Variants in EPHA3 observed in about 807,000 individuals in gnomAD.
The protein encoded by EPHA3 is EPH receptor A3.
In EPHA3, 42 loss-of-function variants were observed where a neutral mutation model predicts 107.1. The ratio of observed to expected loss-of-function variants is 0.39; its 90% confidence interval spans 0.31 to 0.51. The LOEUF is 0.51. Among genes scored for constraint, EPHA3 ranks in the 20% least tolerant of loss-of-function variants. EPHA3 has a pLI of 0.78. For missense variants in EPHA3, 1,183 were observed against 1,211.2 expected (o/e 0.98, Z 0.35); for synonymous variants, 461 against 424.8 (o/e 1.09, Z -1.05).
intron 2 of EPHA3, among the ~76,000 whole-genome samples, chr3:89,148,096 G>C (rs1037391427): frequency 2.0e-5 from 3 of 151,930 alleles, no homozygotes; most frequent in Admixed American, 6.6e-5. Context: ...GCATGAACTT[G>C]TGTGTTGATT....
chr3:89,242,312 T>TA (rs1704916205), intron 3 of EPHA3, among the ~76,000 whole-genome samples: 1 of 152,228 alleles, frequency 6.6e-6, no homozygotes, highest in South Asian at 2.1e-4. Flanking sequence ...AGATACACAT[T>TA]GATAAGAATG....
At chr3:89,311,597 C>G (rs945447636) in intron 3 of EPHA3, among the ~76,000 whole-genome samples, 9 of 151,994 alleles carry the variant, frequency 5.9e-5, no homozygotes, top group African/African-American at 1.9e-4. Context: ...AACATTCTCT[C>G]CAGTGCTAGC....
intron 3 of EPHA3, among the ~76,000 whole-genome samples, chr3:89,221,130 G>T (rs1208762640): frequency 6.6e-6 from 1 of 152,128 alleles, no homozygotes; most frequent in Non-Finnish European, 1.5e-5. Context: ...GGCAGAGAGA[G>T]GCTGAGGTAC....
intron 7 of EPHA3, 28 bp downstream of exon 7, chr3:89,399,508 G>A (rs747801060): frequency 1.9e-6 from 3 of 1,609,910 alleles, no homozygotes; most frequent in Non-Finnish European, 2.5e-6. Context: ...GCAGTCTAGA[G>A]GAGGGGGCAG....
At chr3:89,372,204 A>G (rs80098627) in intron 5 of EPHA3, among the ~76,000 whole-genome samples, 2,319 of 151,684 alleles carry the variant, frequency 0.015, 43 homozygotes, top group African/African-American at 0.053. Flanking sequence ...AGTGGGATGT[A>G]CTGACAAGAA....
At chr3:89,441,735 C>G (rs1262181856) in intron 13 of EPHA3, among the ~76,000 whole-genome samples, 2 of 152,114 alleles carry the variant, frequency 1.3e-5, no homozygotes, top group Non-Finnish European at 2.9e-5. Context: ...CAATCAAGAA[C>G]AGAAATATGC....
intron 1 of EPHA3, among the ~76,000 whole-genome samples, chr3:89,121,974 A>G (rs1707400544): frequency 6.6e-6 from 1 of 152,184 alleles, no homozygotes; most frequent in Non-Finnish European, 1.5e-5. Flanking sequence ...CCTATCAGAA[A>G]ATATAGGTCG....
intron 3 of EPHA3, among the ~76,000 whole-genome samples, chr3:89,215,706 T>C (rs1704207789): frequency 6.6e-6 from 1 of 151,888 alleles, no homozygotes; most frequent in Non-Finnish European, 1.5e-5. Flanking sequence ...GTAACATTCT[T>C]ACGCAGGATT....
intron 13 of EPHA3, among the ~76,000 whole-genome samples, chr3:89,442,195 A>G (rs1468629281): frequency 6.6e-6 from 1 of 152,190 alleles, no homozygotes; most frequent in Non-Finnish European, 1.5e-5. Context: ...AAAATAAAAT[A>G]AAACATAAAA....
chr3:89,455,673 T>C (rs537348744), intron 15 of EPHA3, among the ~76,000 whole-genome samples: 3 of 152,350 alleles, frequency 2.0e-5, no homozygotes, highest in Admixed American at 6.5e-5. Flanking sequence ...CCTCAGTGGC[T>C]ACTTCTAGTT....
intron 5 of EPHA3, among the ~76,000 whole-genome samples, chr3:89,358,392 A>C (rs553129069): frequency 1.1e-3 from 173 of 151,332 alleles, no homozygotes; most frequent in African/African-American, 4.0e-3. Context: ...TTTCTTTGGC[A>C]ATAAATAACA....
chr3:89,201,686 A>C (rs926154591), intron 2 of EPHA3, among the ~76,000 whole-genome samples: 4 of 152,214 alleles, frequency 2.6e-5, no homozygotes, highest in Non-Finnish European at 5.9e-5. Context: ...TCTGTATCTT[A>C]CATTTATTTC....
chr3:89,214,868 A>G (rs2107192488), intron 3 of EPHA3, among the ~76,000 whole-genome samples: 1 of 152,060 alleles, frequency 6.6e-6, no homozygotes, highest in East Asian at 1.9e-4. Flanking sequence ...AGAAAGCATG[A>G]TTTAGGAAAT....
intron 15 of EPHA3, among the ~76,000 whole-genome samples, chr3:89,467,761 G>C (rs1412106346): frequency 6.6e-6 from 1 of 152,100 alleles, no homozygotes; most frequent in Non-Finnish European, 1.5e-5. Flanking sequence ...GAGAAAGAAA[G>C]GGAAGAAAGT....
intron 3 of EPHA3, among the ~76,000 whole-genome samples, chr3:89,293,807 A>G (rs1706276965): frequency 6.6e-6 from 1 of 152,144 alleles, no homozygotes; most frequent in Non-Finnish European, 1.5e-5. Context: ...TCTTTTCTTT[A>G]TAAATTACCC....
At chr3:89,358,702 T>C (rs1339667900) in intron 5 of EPHA3, among the ~76,000 whole-genome samples, 1 of 151,134 alleles carries the variant, frequency 6.6e-6, no homozygotes, top group African/African-American at 2.4e-5. Context: ...ACATTAAGTA[T>C]AATAGTTTTA....
At chr3:89,176,181 C>T (rs186535602) in intron 2 of EPHA3, among the ~76,000 whole-genome samples, 1 of 152,048 alleles carries the variant, frequency 6.6e-6, no homozygotes, top group Admixed American at 6.6e-5. Context: ...AAAAACTTGA[C>T]TTAGAAATAT....
intron 12 of EPHA3, 145 bp from the exon 13 acceptor site, chr3:89,431,005 C>T: frequency 1.4e-6 from 1 of 692,910 alleles, no homozygotes; most frequent in Non-Finnish European, 2.3e-6. Flanking sequence ...ATCCATTTGC[C>T]ACATATCTTT....
intron 2 of EPHA3, among the ~76,000 whole-genome samples, chr3:89,208,523 G>GGAAA: frequency 7.5e-6 from 1 of 132,552 alleles, no homozygotes; most frequent in East Asian, 2.2e-4. Context: ...AGGAAGGAAG[G>GGAAA]GAAAGAAAGA....
Sources: allele counts gnomAD v4.1 joint callset (sites outside exome capture counted in the v4.1 genomes callset), GRCh38; gene constraint gnomAD v4.1.1; transcripts MANE v1.5; gene names NCBI Gene and HGNC (gene_info 2026-07-23, HGNC 2026-07-21).